MYO9A: variants seen among roughly 807,000 people sequenced by gnomAD.
MYO9A encodes unconventional myosin-IXa.
A neutral mutation model predicts 293.3 loss-of-function variants in MYO9A; 103 were observed. The observed-to-expected ratio is 0.35, with a 90% confidence interval of 0.30 to 0.41. MYO9A has a LOEUF of 0.41. Ranked by LOEUF, MYO9A falls within the 10% of genes least tolerant of loss-of-function variation. The pLI is 1.00. For missense variants in MYO9A, 2,685 were observed against 3,033.0 expected, an observed-to-expected ratio of 0.89 and a Z score of 2.69; for synonymous variants, 1,001 against 1,035.7, an observed-to-expected ratio of 0.97 and a Z score of 0.64.
chr15:71,980,371 T>TC (rs1225902640), intron 11 of MYO9A, among the ~76,000 whole-genome samples: 1 of 152,224 alleles, frequency 6.6e-6, no homozygotes, highest in Non-Finnish European at 1.5e-5. Context: ...GACATATCTC[T>TC]CCAATACTCG....
At chr15:71,863,061 G>T (rs558516466) in intron 32 of MYO9A, among the ~76,000 whole-genome samples, 1 of 151,710 alleles carries the variant, frequency 6.6e-6, no homozygotes, top group East Asian at 1.9e-4. Flanking sequence ...AAATAGCTGG[G>T]ATTACAGGCG....
At chr15:72,007,426 C>T (rs2077048214) in intron 8 of MYO9A, among the ~76,000 whole-genome samples, 2 of 151,126 alleles carry the variant, frequency 1.3e-5, no homozygotes, top group African/African-American at 4.8e-5. Context: ...TTTTTCTCCA[C>T]CCACCCAAAT....
chr15:71,837,396 G>C (rs919174097), intron 39 of MYO9A, among the ~76,000 whole-genome samples: 2 of 151,986 alleles, frequency 1.3e-5, no homozygotes, highest in Non-Finnish European at 2.9e-5. Context: ...AAATGACAAA[G>C]TATTCTTTAT....
At chr15:72,083,694 G>A (rs1433126038) in intron 1 of MYO9A, among the ~76,000 whole-genome samples, 2 of 152,074 alleles carry the variant, frequency 1.3e-5, no homozygotes, top group East Asian at 3.8e-4. Flanking sequence ...CAGAGATTCT[G>A]GTATATTTTA....
chr15:72,001,587 G>A (rs535660924), intron 8 of MYO9A, among the ~76,000 whole-genome samples: 1 of 149,972 alleles, frequency 6.7e-6, no homozygotes, highest in East Asian at 1.9e-4. Context: ...ATTATAAGGA[G>A]GAGATTGAGT....
chr15:71,997,472 C>T (rs796124643), intron 9 of MYO9A, among the ~76,000 whole-genome samples: 17 of 151,888 alleles, frequency 1.1e-4, no homozygotes, highest in East Asian at 3.9e-4. Context: ...TGGTGGCGGG[C>T]GCCTGTAATC....
intron 39 of MYO9A, among the ~76,000 whole-genome samples, chr15:71,831,828 C>T (rs575236428): frequency 6.6e-6 from 1 of 152,096 alleles, no homozygotes; most frequent in Non-Finnish European, 1.5e-5. Flanking sequence ...AACAGAAACC[C>T]TAAAAGACTC....
At chr15:71,871,689 G>GA (rs1219443485) in intron 32 of MYO9A, among the ~76,000 whole-genome samples, 172 of 73,566 alleles carry the variant, frequency 2.3e-3, no homozygotes, top group African/African-American at 2.7e-3. Context: ...GTCTCAAAAA[G>GA]AAAAAAAAAA....
rs148562068 is a variant in MYO9A, at chr15:72,053,137, C to T, written c.-71-6503G>A. 7.5e-3 allele frequency among the ~76,000 whole-genome samples: 1,148 copies of T among 152,246 alleles called. 7 individuals are homozygous for T. The highest frequency in any genetic ancestry group is 0.011 in the Non-Finnish European group (749 of 68,020). ...TTTTTAGGCTGGGCCTGGTGGCTCA[C>T]GCCTATAATCCCAGCACTTTGGGAG... On this transcript the variant is annotated intron_variant, in intron 1 of 41. Coordinates refer to ENST00000356056, the MANE Select transcript of MYO9A (RefSeq NM_006901.4).
At chr15:72,026,945 A>C (rs1441522085) in intron 4 of MYO9A, among the ~76,000 whole-genome samples, 1 of 152,236 alleles carries the variant, frequency 6.6e-6, no homozygotes, top group East Asian at 1.9e-4. Context: ...TGTTTCAATT[A>C]ATAATCAAAA....
intron 8 of MYO9A, among the ~76,000 whole-genome samples, chr15:72,005,097 G>A (rs905040102): frequency 6.6e-6 from 1 of 152,098 alleles, no homozygotes; most frequent in Admixed American, 6.6e-5. Context: ...ACTAAAGATG[G>A]GATAGGTATC....
chr15:71,886,800 C>G (rs1376789142), intron 27 of MYO9A, among the ~76,000 whole-genome samples: 4 of 152,034 alleles, frequency 2.6e-5, no homozygotes, highest in African/African-American at 9.7e-5. Flanking sequence ...GACGTGGAAA[C>G]TAAATATATA....
chr15:71,907,499 G>C lies in MYO9A; in HGVS notation c.2686-2493C>G, dbSNP rs1385679547. On this transcript the variant is annotated intron_variant, in intron 19 of 41. Transcript: ENST00000356056. ...GGGTCAAATGGTATTTCTAGTTCTAGATCCCTGAGGAATCGCCACACTGAC... is the reference window on the plus strand; with the variant it reads ...GGGTCAAATGGTATTTCTAGTTCTACATCCCTGAGGAATCGCCACACTGAC... 1.5e-5 allele frequency among the ~76,000 whole-genome samples: 2 copies of C among 132,384 alleles called. 1 individual carries two copies. The highest frequency in any genetic ancestry group is 1.6e-4 in the Admixed American group (2 of 12,672). The allele number at this position is 132,384 out of a possible 152,430, so 86.8% of individuals were successfully genotyped here.
intron 15 of MYO9A, chr15:71,950,353 A>G (rs1742491419): frequency 6.6e-6 from 1 of 152,214 alleles, no homozygotes; most frequent in Non-Finnish European, 1.5e-5. Context: ...TTCAAGATCC[A>G]TATGTAGCTG....
At chr15:71,926,611 G>A (rs1291119741) in intron 18 of MYO9A, among the ~76,000 whole-genome samples, 1 of 152,198 alleles carries the variant, frequency 6.6e-6, no homozygotes, top group Non-Finnish European at 1.5e-5. Context: ...GGAGGCTAAG[G>A]CACGAGAACT....
chr15:71,970,388 G>C (rs1168848516), intron 12 of MYO9A, among the ~76,000 whole-genome samples: 3 of 152,034 alleles, frequency 2.0e-5, no homozygotes, highest in Non-Finnish European at 4.4e-5. Flanking sequence ...CATACACCTA[G>C]AGCACTACAA....
intron 25 of MYO9A, chr15:71,897,034 A>G: frequency 6.2e-6 from 1 of 162,520 alleles, no homozygotes; most frequent in Non-Finnish European, 1.4e-5. Flanking sequence ...TTTATCACAT[A>G]CAAAGAAGTA....
intron 1 of MYO9A, among the ~76,000 whole-genome samples, chr15:72,084,456 A>G (rs2079650365): frequency 6.6e-6 from 1 of 152,140 alleles, no homozygotes; most frequent in African/African-American, 2.4e-5. Context: ...TAATTGGAGC[A>G]TTTAGCCTGT....
At chr15:71,916,293 T>TG in intron 19 of MYO9A, 77 bp downstream of exon 19, 1 of 1,508,654 alleles carries the variant, frequency 6.6e-7, no homozygotes, top group Non-Finnish European at 8.9e-7. Context: ...TCAAGTACCC[T>TG]GCAGATCACT....
Sources: allele counts gnomAD v4.1 joint callset (sites outside exome capture counted in the v4.1 genomes callset), GRCh38; gene constraint gnomAD v4.1.1; transcripts MANE v1.5; gene names NCBI Gene and HGNC (gene_info 2026-07-23, HGNC 2026-07-21).